Variants in BACE1 observed in about 807,000 individuals in gnomAD.
BACE1 encodes beta-secretase 1.
BACE1 carries 21 observed loss-of-function variants against 54.0 expected under a neutral mutation model. The ratio of observed to expected loss-of-function variants is 0.39; its 90% CI spans 0.28 to 0.56. BACE1 has a LOEUF of 0.56. BACE1 is among the 20% of genes least tolerant of loss of function. The pLI is 0.63. For synonymous variants in BACE1, 232 were observed against 260.9 expected, an observed-to-expected ratio of 0.89 and a Z score of 1.07; for missense variants, 511 against 661.2, an observed-to-expected ratio of 0.77 and a Z score of 2.49.
chr11:117,292,909 C>T, intron 5 of BACE1, 145 bp downstream of exon 5: 2 of 957,114 alleles, frequency 2.1e-6, no homozygotes, highest in Non-Finnish European at 3.1e-6. Context: ...ACCATTAAGC[C>T]CCTGACTGTT....
Position 117,289,589 on chromosome 11 carries a change from C to T in BACE1, c.1483G>A (p.Asp495Asn). ...CCTCACTTCAGCAGGGAGATGTCAT[C>T]AGCAAAGTCATCATGCTGCTGGCGC... ...CLRQQHDDFADDISLLK is the reference protein window; with the variant it reads ...CLRQQHDDFANDISLLK Residue 495 changes from aspartate to asparagine, a missense_variant, in exon 9 of 9, where the codon GAT becomes AAT. Transcript: ENST00000313005. The T allele has an allele frequency of 6.2e-7, 1 of 1,614,168 alleles. No individual in the cohort carries two copies. The highest frequency in any genetic ancestry group is 8.5e-7 in the Non-Finnish European group (1 of 1,180,034).
At chr11:117,313,735 T>G (rs1392204849) in intron 1 of BACE1, among the ~76,000 whole-genome samples, 3 of 152,190 alleles carry the variant, frequency 2.0e-5, no homozygotes, top group Admixed American at 6.5e-5. Context: ...GTTTTATACA[T>G]GTAAAACGTG....
intron 1 of BACE1, among the ~76,000 whole-genome samples, chr11:117,309,065 T>C (rs1367887913): frequency 6.6e-6 from 1 of 152,082 alleles, no homozygotes; most frequent in East Asian, 1.9e-4. Context: ...TCCTCTTCCC[T>C]CTCTCTCACC....
chr11:117,308,499 G>A (rs969758406), intron 1 of BACE1, among the ~76,000 whole-genome samples: 2 of 152,048 alleles, frequency 1.3e-5, no homozygotes, highest in South Asian at 2.1e-4. Flanking sequence ...GAAAGGCCCC[G>A]GTATTTGAAC....
Position 117,290,918 on chromosome 11 carries a change from G to T in BACE1, c.1074C>A (p.Arg358=), listed in dbSNP as rs769953649. Reference sequence around the variant, plus strand: ...GACATACCTGCGGAAGGATGGTGATGCGGAAGGACTGGTTGGTAACCTCAC... The same window carrying T: ...GACATACCTGCGGAAGGATGGTGATTCGGAAGGACTGGTTGGTAACCTCAC... ...LMGEVTNQSF[R]ITILPQQYLR... Residue 358 remains arginine (R), a synonymous_variant, in exon 7 of 9, where the codon CGC becomes CGA. Coordinates refer to ENST00000313005, the MANE Select transcript of BACE1 (RefSeq NM_012104.6). 1 of 1,614,050 alleles carries T rather than the reference G, an allele frequency of 6.2e-7. No individual in the cohort carries two copies. The highest frequency in any genetic ancestry group is 1.3e-5 in the African/African-American group (1 of 74,934).
At chr11:117,290,751 C>G (rs1190704524) in intron 7 of BACE1, 92 bp from the exon 8 acceptor site, 1 of 1,563,542 alleles carries the variant, frequency 6.4e-7, no homozygotes, top group East Asian at 2.3e-5. Flanking sequence ...CCTTTACCAT[C>G]CCTGAGCTCT....
At chr11:117,302,121 G>A (rs1488788124) in intron 1 of BACE1, among the ~76,000 whole-genome samples, 1 of 152,082 alleles carries the variant, frequency 6.6e-6, no homozygotes, top group African/African-American at 2.4e-5. Context: ...ATCACCTGAG[G>A]TCAGGAGTTC....
At position 117,293,726 on chromosome 11, in the gene BACE1, TAAAG is replaced by T. The variant is rs2034520225; in HGVS notation, c.705+141_705+144del. Reference sequence around the variant, plus strand: ...CGCAAAAAAGAAAAGAATGGAAAAATAAAGTAAGGGTAGGGAATATAAAGAGGTT... The same window carrying T: ...CGCAAAAAAGAAAAGAATGGAAAAATTAAGGGTAGGGAATATAAAGAGGTT... On this transcript the variant is annotated intron_variant, in intron 4 of 8. Transcript: ENST00000313005. This position sits in a 1 kb window ranked among gnomAD's most constrained non-coding sequence, Gnocchi z 4.1. The T allele has an allele frequency of 1.3e-6, 1 of 785,658 alleles. No individual in the cohort carries two copies. Among genetic ancestry groups the T allele is most frequent in the Non-Finnish European group, 1.8e-6 (1 of 561,606 alleles). 48.7% of individuals were successfully genotyped at this position (785,658 alleles called of 1,614,324 possible).
chr11:117,315,062 G>A lies in BACE1; in HGVS notation c.261+473C>T, dbSNP rs2035060080. ...GCAGCCCAGATGGTGGGAGCAAGGT[G>A]CTTATTCAACTGCTGCCAGGATTCC... On this transcript the variant is annotated intron_variant, in intron 1 of 8. Transcript: ENST00000313005. This position sits in a 1 kb window ranked among gnomAD's most constrained non-coding sequence, Gnocchi z 5.5. 6.6e-6 allele frequency among the ~76,000 whole-genome samples: 1 copy of A among 152,194 alleles called. No individual in the cohort carries two copies. Among genetic ancestry groups the A allele is most frequent in the Admixed American group, 6.5e-5 (1 of 15,280 alleles).
chr11:117,289,530 T>C lies in BACE1; in HGVS notation c.*36A>G. 6.2e-7 allele frequency: 1 copy of C among 1,609,450 alleles called. No individual in the cohort carries two copies. The highest frequency in any genetic ancestry group is 8.5e-7 in the Non-Finnish European group (1 of 1,177,688). ...ACCAAAGTGAACCACGGAGGTGTGG[T>C]CCAGGGGAATCTCTATCTTCTGCCC... On this transcript the variant is annotated 3_prime_UTR_variant, in exon 9 of 9. Transcript: ENST00000313005.
At chr11:117,292,808 G>A in intron 5 of BACE1, 1 of 411,240 alleles carries the variant, frequency 2.4e-6, no homozygotes, top group Non-Finnish European at 4.4e-6. Context: ...ACGAAGCAAG[G>A]CAGTGACTAG....
In BACE1 at chr11:117,293,993, C is replaced by G. The variant is rs1345059763; in HGVS notation, c.583G>C (p.Glu195Gln). 1.9e-6 allele frequency: 3 copies of G among 1,613,626 alleles called. No individual in the cohort carries two copies. Among genetic ancestry groups the G allele is most frequent in the South Asian group, 1.1e-5 (1 of 91,018 alleles). The change falls in exon 4 of 9, where the codon GAG becomes CAG. Residue 195 changes from glutamate to glutamine, a missense_variant. Glu to Gln is a conservative substitution (Grantham distance 29). This residue lies in a region of BACE1 where 407 missense variants were observed against 565.7 expected (regional missense o/e 0.72). Coordinates refer to ENST00000313005, the MANE Select transcript of BACE1 (RefSeq NM_012104.6). This position sits in a 1 kb window ranked among gnomAD's most constrained non-coding sequence, Gnocchi z 4.1. ...AEIARPDDSLEPFFDSLVKQT... is the reference protein window; with the variant it reads ...AEIARPDDSLQPFFDSLVKQT... ...TTTACCAGAGAGTCAAAGAAAGGCT[C>G]CAGGGAGTCGTCAGGCTTTGGCAGA...
At chr11:117,314,160 G>T (rs1387597670) in intron 1 of BACE1, among the ~76,000 whole-genome samples, 6 of 152,176 alleles carry the variant, frequency 3.9e-5, no homozygotes, top group African/African-American at 1.4e-4. Flanking sequence ...ACAGGAGTAG[G>T]TCCCAGGTCT....
At chr11:117,313,089 A>G (rs535654834) in intron 1 of BACE1, among the ~76,000 whole-genome samples, 1 of 152,276 alleles carries the variant, frequency 6.6e-6, no homozygotes, top group East Asian at 1.9e-4. Context: ...ATGCCATCCA[A>G]GTTCTCATTT....
At chr11:117,303,247 C>T (rs746226580) in intron 1 of BACE1, among the ~76,000 whole-genome samples, 9 of 152,132 alleles carry the variant, frequency 5.9e-5, no homozygotes, top group Non-Finnish European at 1.3e-4. Context: ...CGTCTTTGTC[C>T]CCTGGGGTCA....
Position 117,315,556 on chromosome 11 carries a change from G to C in BACE1, c.240C>G (p.Thr80=). The C allele has an allele frequency of 6.3e-7, 1 of 1,587,186 alleles. No individual in the cohort carries two copies. Among genetic ancestry groups the C allele is most frequent in the Non-Finnish European group, 8.6e-7 (1 of 1,168,464 alleles). ...TTACCGTCTGCGGGGGGCTGCCCAC[G>C]GTCATCTCCACGTAGTAGCCCTGCC... ...KSGQGYYVEM[T]VGSPPQTLNI... is the part of the protein sequence containing the mutation. Residue 80 remains threonine, a synonymous_variant, in exon 1 of 9, where the codon ACC becomes ACG. Coordinates refer to ENST00000313005, the MANE Select transcript of BACE1 (RefSeq NM_012104.6). This position sits in a 1 kb window ranked among gnomAD's most constrained non-coding sequence, Gnocchi z 5.5.
intron 1 of BACE1, 119 bp from the exon 2 acceptor site, chr11:117,297,080 A>C: frequency 5.4e-6 from 4 of 745,270 alleles, no homozygotes; most frequent in Non-Finnish European, 9.0e-6. Context: ...GTGAAGCTCC[A>C]CGATGCAGGA....
chr11:117,315,612 C>T lies in BACE1; in HGVS notation c.184G>A (p.Glu62Lys). 6.3e-7 allele frequency: 1 copy of T among 1,588,460 alleles called. No homozygotes were observed. Among genetic ancestry groups the T allele is most frequent in the Non-Finnish European group, 8.6e-7 (1 of 1,169,246 alleles). The change falls in exon 1 of 9, where the codon GAG becomes AAG. Residue 62 changes from glutamate (E) to lysine (K), a missense_variant. Coordinates refer to ENST00000313005, the MANE Select transcript of BACE1 (RefSeq NM_012104.6). The surrounding 1 kb of genome is among the most constrained non-coding windows in gnomAD (Gnocchi z 5.5). Reference sequence around the variant, plus strand: ...TTGCCCCTCAGGTTGTCCACCATCTCCACAAAGCTGCCCCTCCGGCCGGGC... The same window carrying T: ...TTGCCCCTCAGGTTGTCCACCATCTTCACAAAGCTGCCCCTCCGGCCGGGC... ...EEPGRRGSFV[E>K]MVDNLRGKSG...
In BACE1 at chr11:117,289,610, G is replaced by C. The variant is rs1259310096; in HGVS notation, c.1462C>G (p.Gln488Glu). The C allele has an allele frequency of 6.2e-7, 1 of 1,614,198 alleles. No homozygotes were observed. Among genetic ancestry groups the C allele is most frequent in the Non-Finnish European group, 8.5e-7 (1 of 1,180,042 alleles). The stretch of plus-strand genomic sequence containing the variant: ...TCATCAGCAAAGTCATCATGCTGCT[G>C]GCGCAGGCAGCGGAGGCAGCGCCAC... Reference protein sequence around the residue: ...CQWRCLRCLRQQHDDFADDIS... With the variant: ...CQWRCLRCLREQHDDFADDIS... Residue 488 changes from glutamine (Q) to glutamate (E), a missense_variant, in exon 9 of 9, where the codon CAG becomes GAG. Gln to Glu is a conservative substitution (Grantham distance 29). This residue lies in a region of BACE1 where 407 missense variants were observed against 565.7 expected (regional missense o/e 0.72). Transcript: ENST00000313005.
Sources: gnomAD v4.1 joint callset for allele counts (sites outside exome capture counted in the v4.1 genomes callset) on GRCh38, gnomAD v4.1.1 for gene constraint, gnomAD v4.1.1 regional missense constraint, Gnocchi (gnomAD v3.1) non-coding constraint, MANE v1.5 for transcripts, NCBI Gene and HGNC (gene_info 2026-07-23, HGNC 2026-07-21) for gene names.